Variants in SYNE1 observed in about 807,000 individuals in gnomAD.
SYNE1 encodes nesprin-1.
In SYNE1, 616 loss-of-function variants were observed where a neutral mutation model predicts 1,111.0. The observed-to-expected ratio is 0.55, with a 90% CI of 0.52 to 0.59. The LOEUF (loss-of-function observed/expected upper bound fraction) is 0.59, where lower values mean the gene tolerates loss of function less well. Ranked by LOEUF, SYNE1 falls within the 20% of genes least tolerant of loss-of-function variation. The pLI is 0.00. For missense variants in SYNE1, 10,006 were observed against 10,417.0 expected (o/e 0.96, Z 1.72); for synonymous variants, 3,855 against 3,825.8 (o/e 1.01, Z -0.28).
chr6:152,545,250 A>G (rs2099304008), intron 3 of SYNE1, among the ~76,000 whole-genome samples: 1 of 152,214 alleles, frequency 6.6e-6, no homozygotes, highest in Non-Finnish European at 1.5e-5. Flanking sequence ...GTCTAGAAGT[A>G]TCCATCTGTA....
At chr6:152,155,186 G>T in intron 132 of SYNE1, 144 bp from the exon 133 acceptor site, 1 of 922,822 alleles carries the variant, frequency 1.1e-6, no homozygotes, top group Non-Finnish European at 1.7e-6. Context: ...AGCCAAATTT[G>T]ACCAGAGAGC....
intron 33 of SYNE1, chr6:152,435,342 A>G (rs144772135): frequency 1.3e-5 from 2 of 150,604 alleles, no homozygotes; most frequent in Non-Finnish European, 3.0e-5. Context: ...TTTTTTGTAT[A>G]TTTTGGGTAT....
chr6:152,483,353 G>C (rs1042519732), intron 13 of SYNE1, 104 bp from the exon 14 acceptor site: 14 of 976,152 alleles, frequency 1.4e-5, no homozygotes, highest in Non-Finnish European at 7.9e-6. Context: ...TTAAGTTAAT[G>C]ATTTCAGGCT....
In SYNE1 at chr6:152,595,607, C is replaced by A. The variant is rs149870545; in HGVS notation, c.67+32658G>T. Among the ~76,000 whole-genome samples, 43 of 152,260 alleles carry A rather than the reference C, an allele frequency of 2.8e-4. No homozygotes were observed. In the East Asian group the frequency reaches 7.3e-3, roughly 26 times the overall value. The stretch of plus-strand genomic sequence containing the variant: ...TAATACTTAAAAATGTTGCCACTAG[C>A]TATTCCAAACTGCCTTGCCAGAAAC... On this transcript the variant is annotated intron_variant, in intron 3 of 145. Coordinates refer to ENST00000367255, the MANE Select transcript of SYNE1 (RefSeq NM_182961.4).
At chr6:152,138,512 A>AAAATAAATAAATAAAT (rs200341649) in intron 140 of SYNE1, among the ~76,000 whole-genome samples, 1 of 141,778 alleles carries the variant, frequency 7.1e-6, no homozygotes, top group Non-Finnish European at 1.5e-5. Context: ...CTCTGTCTCA[A>AAAATAAATAAATAAAT]AAATAAATAA....
intron 55 of SYNE1, among the ~76,000 whole-genome samples, chr6:152,382,644 G>C (rs370330827): frequency 2.6e-5 from 4 of 152,258 alleles, no homozygotes. Context: ...AGTGTGTATA[G>C]TAGTTATTTG....
Position 152,300,992 on chromosome 6 carries a change from A to G in SYNE1, c.17542-211T>C, listed in dbSNP as rs76000768. On this transcript the variant is annotated intron_variant, in intron 92 of 145. Coordinates refer to ENST00000367255, the MANE Select transcript of SYNE1 (RefSeq NM_182961.4). The stretch of plus-strand genomic sequence containing the variant: ...GTAATCATTTGTAAAACAATCAGGG[A>G]TGGGGGTGCATATGACATTGAAGTT... Among the ~76,000 whole-genome samples the G allele has an allele frequency of 0.027, 4,067 of 152,306 alleles. 204 individuals carry two copies. Among genetic ancestry groups the G allele is most frequent in the African/African-American group, 0.091 (3,769 of 41,566 alleles).
chr6:152,143,973 C>A, intron 137 of SYNE1: 1 of 667,648 alleles, frequency 1.5e-6, no homozygotes, highest in Non-Finnish European at 2.5e-6. Context: ...ACTGAGAGCC[C>A]TAGCAGATCG....
chr6:152,470,709 A>G (rs995181684), intron 16 of SYNE1, among the ~76,000 whole-genome samples: 5 of 152,168 alleles, frequency 3.3e-5, no homozygotes, highest in Non-Finnish European at 7.4e-5. Context: ...AACATGTTTT[A>G]GAGTCACTGT....
chr6:152,470,608 G>A (rs1045683085), intron 16 of SYNE1, among the ~76,000 whole-genome samples: 8 of 151,922 alleles, frequency 5.3e-5, no homozygotes, highest in Admixed American at 2.0e-4. Context: ...TTGTTCACCC[G>A]TCACAGAAAA....
chr6:152,333,675 C>G (rs1377104505), intron 77 of SYNE1, among the ~76,000 whole-genome samples: 1 of 152,106 alleles, frequency 6.6e-6, no homozygotes. Context: ...CTCTGTCACC[C>G]AGGCTGGAGT....
chr6:152,345,529 C>G (rs1242358541), intron 73 of SYNE1, among the ~76,000 whole-genome samples: 1 of 151,902 alleles, frequency 6.6e-6, no homozygotes, highest in Non-Finnish European at 1.5e-5. Context: ...CCATTCTAAC[C>G]ACATCACTGA....
intron 111 of SYNE1, 140 bp from the exon 112 acceptor site, chr6:152,234,103 CA>C: frequency 1.1e-6 from 1 of 928,604 alleles, no homozygotes; most frequent in Non-Finnish European, 1.7e-6. Flanking sequence ...AAAATGAAAG[CA>C]GTACACCCTT....
chr6:152,152,022 G>A lies in SYNE1; in HGVS notation c.24249C>T (p.His8083=), dbSNP rs376312519. The change falls in exon 134 of 146, where the codon CAC becomes CAT. Residue 8083 remains histidine (H), a synonymous_variant. Coordinates refer to ENST00000367255, the MANE Select transcript of SYNE1 (RefSeq NM_182961.4). The part of the protein sequence containing the change: ...DSACSLKQMV[H]EGNQRWDNLQ... ...GGTTGTCCCATCTCTGGTTGCCTTC[G>A]TGAACCATCTGTTTGAGGCTACATG... The A allele has an allele frequency of 9.9e-6, 16 of 1,614,072 alleles. No homozygotes were observed. The highest frequency in any genetic ancestry group is 3.3e-5 in the South Asian group (3 of 91,088).
intron 6 of SYNE1, among the ~76,000 whole-genome samples, chr6:152,514,178 T>A (rs2099099772): frequency 6.6e-6 from 1 of 152,318 alleles, no homozygotes. Context: ...CACATGCACA[T>A]GTATGTTTAC....
chr6:152,511,148 A>C, intron 6 of SYNE1, 45 bp from the exon 7 acceptor site: 1 of 1,520,326 alleles, frequency 6.6e-7, no homozygotes, highest in Non-Finnish European at 9.1e-7. Flanking sequence ...CTAGAATATT[A>C]TAACTCATTT....
At chr6:152,535,460 A>G (rs1176683901) in intron 4 of SYNE1, among the ~76,000 whole-genome samples, 2 of 152,186 alleles carry the variant, frequency 1.3e-5, no homozygotes. Context: ...TTAGGCTGAC[A>G]GAAGGATAAA....
At chr6:152,164,743 A>G (rs2153031734) in intron 130 of SYNE1, among the ~76,000 whole-genome samples, 1 of 152,318 alleles carries the variant, frequency 6.6e-6, no homozygotes, top group South Asian at 2.1e-4. Flanking sequence ...GGTCATGGTG[A>G]TAATAAGCAT....
chr6:152,510,485 G>A (rs1283769047), intron 7 of SYNE1, 114 bp from the exon 8 acceptor site: 1 of 1,243,686 alleles, frequency 8.0e-7, no homozygotes, highest in East Asian at 2.5e-5. Flanking sequence ...TGACATTCCT[G>A]ACAAAATGCA....
Sources: gnomAD v4.1 joint callset for allele counts (sites outside exome capture counted in the v4.1 genomes callset) on GRCh38, gnomAD v4.1.1 for gene constraint, MANE v1.5 for transcripts, NCBI Gene and HGNC (gene_info 2026-07-23, HGNC 2026-07-21) for gene names.